Variants in GSK3B observed in about 807,000 individuals in gnomAD.
The protein encoded by GSK3B is glycogen synthase kinase 3 beta.
Under a neutral mutation model 56.4 loss-of-function variants are expected in GSK3B, and 15 were observed. The observed-to-expected ratio is 0.27, with a 90% CI of 0.18 to 0.41. The LOEUF is 0.41. GSK3B is among the 10% of genes least tolerant of loss of function. The pLI is 1.00. For synonymous variants in GSK3B, 181 were observed against 188.9 expected, an observed-to-expected ratio of 0.96 and a Z score of 0.34; for missense variants, 300 against 513.4, an observed-to-expected ratio of 0.58 and a Z score of 4.02.
chr3:119,906,759 G>A (rs749052055), intron 6 of GSK3B, among the ~76,000 whole-genome samples: 12 of 152,034 alleles, frequency 7.9e-5, no homozygotes, highest in Non-Finnish European at 1.3e-4. Context: ...TTAGGGAGAC[G>A]AATATGAATC....
intron 1 of GSK3B, among the ~76,000 whole-genome samples, chr3:120,051,830 A>AG (rs1576297551): frequency 1.3e-5 from 2 of 152,172 alleles, no homozygotes; most frequent in East Asian, 3.8e-4. Flanking sequence ...ACTTGCAAAT[A>AG]GGAAGTATTT....
chr3:119,949,011 T>G (rs73175864), intron 2 of GSK3B, among the ~76,000 whole-genome samples: 12,989 of 152,262 alleles, frequency 0.085, 688 homozygotes, highest in Non-Finnish European at 0.11. Context: ...CTCTATACTT[T>G]GTTAATTCAC....
At chr3:120,007,158 T>C (rs983930497) in intron 1 of GSK3B, among the ~76,000 whole-genome samples, 2 of 151,884 alleles carry the variant, frequency 1.3e-5, no homozygotes, top group East Asian at 1.9e-4. Context: ...AACTAGAAAA[T>C]CTACAAGAAA....
chr3:120,090,190 T>C (rs1345418592), intron 1 of GSK3B, among the ~76,000 whole-genome samples: 2 of 151,866 alleles, frequency 1.3e-5, no homozygotes, highest in Non-Finnish European at 2.9e-5. Context: ...ATGAAACTAT[T>C]ATAACCAGGT....
intron 2 of GSK3B, among the ~76,000 whole-genome samples, chr3:119,955,719 T>C (rs944497611): frequency 1.3e-5 from 2 of 152,086 alleles, no homozygotes; most frequent in Non-Finnish European, 2.9e-5. Context: ...AGTGGCATGA[T>C]CTCAAATCAC....
intron 1 of GSK3B, among the ~76,000 whole-genome samples, chr3:120,004,420 C>T (rs1196637354): frequency 5.9e-5 from 9 of 152,202 alleles, no homozygotes; most frequent in Admixed American, 5.9e-4. Context: ...CAATGGTTCT[C>T]CCAGCATGGC....
chr3:119,909,175 C>T (rs927993467), intron 6 of GSK3B, among the ~76,000 whole-genome samples: 1 of 152,026 alleles, frequency 6.6e-6, no homozygotes, highest in Non-Finnish European at 1.5e-5. Flanking sequence ...CATGTCACCA[C>T]GCCCGGCTAA....
intron 7 of GSK3B, among the ~76,000 whole-genome samples, chr3:119,883,034 T>C (rs1441411559): frequency 6.6e-6 from 1 of 152,136 alleles, no homozygotes; most frequent in Non-Finnish European, 1.5e-5. Flanking sequence ...CAGCACAAAA[T>C]GGCAAAGAAA....
intron 3 of GSK3B, among the ~76,000 whole-genome samples, chr3:119,929,121 A>G (rs1249327878): frequency 6.6e-6 from 1 of 152,210 alleles, no homozygotes; most frequent in Admixed American, 6.5e-5. Context: ...GGGTAACAAG[A>G]GTAATGCTGA....
intron 6 of GSK3B, among the ~76,000 whole-genome samples, chr3:119,909,717 G>C (rs1365449990): frequency 6.6e-6 from 1 of 152,164 alleles, no homozygotes; most frequent in Non-Finnish European, 1.5e-5. Context: ...GACTTGAGAA[G>C]GTCAATGATG....
At chr3:120,022,350 T>C (rs1288878012) in intron 1 of GSK3B, among the ~76,000 whole-genome samples, 1 of 152,254 alleles carries the variant, frequency 6.6e-6, no homozygotes, top group African/African-American at 2.4e-5. Flanking sequence ...ACGTAACTTT[T>C]ATATGCACTA....
chr3:120,048,055 T>C (rs1169986667), intron 1 of GSK3B, among the ~76,000 whole-genome samples: 1 of 152,224 alleles, frequency 6.6e-6, no homozygotes, highest in Non-Finnish European at 1.5e-5. Flanking sequence ...ACTACGTATC[T>C]TCACAGTTCT....
chr3:119,969,434 T>G (rs1034197498), intron 2 of GSK3B, among the ~76,000 whole-genome samples: 1 of 152,350 alleles, frequency 6.6e-6, no homozygotes, highest in African/African-American at 2.4e-5. Context: ...CAACTTGATC[T>G]GCAAATTCAA....
intron 3 of GSK3B, among the ~76,000 whole-genome samples, chr3:119,946,168 A>C (rs2057098058): frequency 2.0e-5 from 3 of 152,118 alleles, no homozygotes; most frequent in Admixed American, 2.0e-4. Context: ...ATTGTGTAAT[A>C]CATGTGTATA....
chr3:119,904,201 T>C (rs1043097977), intron 7 of GSK3B, among the ~76,000 whole-genome samples: 1 of 152,186 alleles, frequency 6.6e-6, no homozygotes, highest in Non-Finnish European at 1.5e-5. Flanking sequence ...CGATTTTGCC[T>C]TTTGGCCCAC....
At chr3:119,833,713 T>TTTG in intron 10 of GSK3B, among the ~76,000 whole-genome samples, 1 of 149,294 alleles carries the variant, frequency 6.7e-6, no homozygotes, top group Non-Finnish European at 1.5e-5. Context: ...TTTTTTTTTT[T>TTTG]TAGACAGGGT....
chr3:120,006,202 C>T (rs1003176605), intron 1 of GSK3B, among the ~76,000 whole-genome samples: 2 of 152,180 alleles, frequency 1.3e-5, no homozygotes, highest in African/African-American at 4.8e-5. Context: ...ATCAATTCAA[C>T]AAGAAGAGCT....
rs919656530 is a variant in GSK3B at position 120,003,730 on chromosome 3, C to G, written c.89-1491G>C. The stretch of plus-strand genomic sequence containing the variant: ...AATATACACAAAAGCCAGTGAATGT[C>G]TGTGACCAATTAACACTTTCATTTG... On this transcript the variant is annotated intron_variant, in intron 1 of 10. Transcript: ENST00000264235. 2.6e-5 allele frequency among the ~76,000 whole-genome samples: 4 copies of G among 152,236 alleles called. No homozygotes were observed. In the East Asian group the frequency reaches 7.7e-4, roughly 29 times the overall value.
intron 3 of GSK3B, among the ~76,000 whole-genome samples, chr3:119,924,488 A>G (rs1221301831): frequency 6.6e-6 from 1 of 152,238 alleles, no homozygotes; most frequent in Non-Finnish European, 1.5e-5. Context: ...AGAGGAAATA[A>G]AAGTATAAAA....
Sources: gnomAD v4.1 joint callset for allele counts (sites outside exome capture counted in the v4.1 genomes callset) on GRCh38, gnomAD v4.1.1 for gene constraint, MANE v1.5 for transcripts, NCBI Gene and HGNC (gene_info 2026-07-23, HGNC 2026-07-21) for gene names.